SLC4A7: variants seen among roughly 807,000 people sequenced by gnomAD.
The protein encoded by SLC4A7 is solute carrier family 4 member 7, also known as sodium bicarbonate cotransporter 3.
In SLC4A7, 51 loss-of-function variants were observed where a neutral mutation model predicts 137.6. The observed-to-expected ratio is 0.37, with a 90% CI of 0.30 to 0.47. The LOEUF (loss-of-function observed/expected upper bound fraction) is 0.47. SLC4A7 is among the 20% of genes least tolerant of loss of function. The probability of loss-of-function intolerance (pLI) is 1.00; values close to 1 mark genes in which losing one functional copy is unlikely to be tolerated. For missense variants in SLC4A7, 1,247 were observed against 1,525.4 expected, an observed-to-expected ratio of 0.82 and a Z score of 3.04; for synonymous variants, 542 against 518.6, an observed-to-expected ratio of 1.05 and a Z score of -0.61.
chr3:27,457,371 T>C (rs1196845057), intron 1 of SLC4A7, among the ~76,000 whole-genome samples: 1 of 152,172 alleles, frequency 6.6e-6, no homozygotes, highest in African/African-American at 2.4e-5. Context: ...TTCAATTATC[T>C]AACTTAATAG....
chr3:27,394,424 A>T, intron 20 of SLC4A7, 94 bp downstream of exon 20: 1 of 1,108,506 alleles, frequency 9.0e-7, no homozygotes, highest in Non-Finnish European at 1.3e-6. Context: ...ACCTAATTTT[A>T]GGTATTTTAA....
chr3:27,453,983 GCCATGTAGA>G (rs2058250617), intron 1 of SLC4A7, among the ~76,000 whole-genome samples: 1 of 152,230 alleles, frequency 6.6e-6, no homozygotes, highest in Middle Eastern at 3.4e-3. Context: ...GTGGGAGCAG[GCCATGTAGA>G]CCATGAGACA....
At chr3:27,431,240 C>G in intron 7 of SLC4A7, 58 bp downstream of exon 7, 1 of 1,507,192 alleles carries the variant, frequency 6.6e-7, no homozygotes, top group Non-Finnish European at 8.9e-7. Context: ...AAAGGCATTC[C>G]AAGTGCAAGT....
chr3:27,464,306 G>T (rs1320352054), intron 1 of SLC4A7, among the ~76,000 whole-genome samples: 1 of 152,222 alleles, frequency 6.6e-6, no homozygotes, highest in African/African-American at 2.4e-5. Flanking sequence ...CGAAGATCAT[G>T]TTTCTCTAGA....
chr3:27,389,112 C>A (rs2051272541), intron 22 of SLC4A7, among the ~76,000 whole-genome samples: 1 of 151,928 alleles, frequency 6.6e-6, no homozygotes, highest in African/African-American at 2.4e-5. Context: ...AAAAAAACAA[C>A]TTAGTTGCAT....
intron 21 of SLC4A7, among the ~76,000 whole-genome samples, chr3:27,391,520 A>G (rs2051554245): frequency 6.6e-6 from 1 of 152,220 alleles, no homozygotes; most frequent in Admixed American, 6.5e-5. Flanking sequence ...TCAATTAAAA[A>G]CAGGTAAGGA....
chr3:27,457,599 C>T (rs1339571814), intron 1 of SLC4A7, among the ~76,000 whole-genome samples: 1 of 152,094 alleles, frequency 6.6e-6, no homozygotes, highest in African/African-American at 2.4e-5. Flanking sequence ...AATCTGAAAC[C>T]ATTCCAAATG....
Position 27,403,226 on chromosome 3 carries a change from A to G in SLC4A7, c.2234T>C (p.Ile745Thr). Residue 745 changes from isoleucine to threonine, a missense_variant, in exon 15 of 26, where the codon ATC becomes ACC. Physicochemically the swap from Ile to Thr is moderately conservative, Grantham distance 89 (BLOSUM62 -1). Transcript: ENST00000454389. ...AFAALICIIF[I>T]YEALEKLFDL... The stretch of plus-strand genomic sequence containing the variant: ...AAAGAGCTTCTCCAAAGCCTCGTAG[A>G]TGAATATGATGCAAATAAGGGCTGC... 1 of 1,614,008 alleles carries G rather than the reference A, an allele frequency of 6.2e-7. No homozygotes were observed. The highest frequency in any genetic ancestry group is 8.5e-7 in the Non-Finnish European group (1 of 1,179,944).
At chr3:27,380,316 A>T (rs80210309) in intron 24 of SLC4A7, among the ~76,000 whole-genome samples, 2 of 1,130 alleles carry the variant, frequency 1.8e-3, no homozygotes, top group South Asian at 0.042. Flanking sequence ...CCAGAATTTA[A>T]AAAAAAAAAA....
At chr3:27,405,078 A>G in intron 13 of SLC4A7, 115 bp from the exon 14 acceptor site, 1 of 528,688 alleles carries the variant, frequency 1.9e-6, no homozygotes, top group Non-Finnish European at 3.1e-6. Context: ...CAGTTATAAA[A>G]CCAACACCAC....
At chr3:27,455,863 A>G (rs973107864) in intron 1 of SLC4A7, among the ~76,000 whole-genome samples, 14 of 152,176 alleles carry the variant, frequency 9.2e-5, no homozygotes, top group African/African-American at 2.7e-4. Flanking sequence ...TCTCAAAAAA[A>G]AACACAAAAA....
chr3:27,446,806 C>A (rs564975834), intron 3 of SLC4A7, among the ~76,000 whole-genome samples: 66 of 151,270 alleles, frequency 4.4e-4, no homozygotes, highest in African/African-American at 9.4e-4. Context: ...TTGCTAGCTA[C>A]ATGACCACTT....
chr3:27,440,790 T>A (rs1269372316), intron 3 of SLC4A7, among the ~76,000 whole-genome samples: 1 of 149,014 alleles, frequency 6.7e-6, no homozygotes, highest in Non-Finnish European at 1.5e-5. Context: ...ACACCTGTAA[T>A]CCCAGCCACT....
chr3:27,390,193 G>T, intron 21 of SLC4A7, 89 bp from the exon 22 acceptor site: 3 of 485,022 alleles, frequency 6.2e-6, no homozygotes, highest in Middle Eastern at 3.6e-4. Context: ...AGGATTTTGT[G>T]TATTAAATTG....
chr3:27,484,042 AG>A, intron 1 of SLC4A7, 24 bp downstream of exon 1: 1 of 1,384,902 alleles, frequency 7.2e-7, no homozygotes, highest in Non-Finnish European at 9.4e-7. Context: ...CCTGCGGAGG[AG>A]CCCCACCGCC....
intron 18 of SLC4A7, among the ~76,000 whole-genome samples, chr3:27,397,034 CTT>C (rs71624668): frequency 6.7e-6 from 1 of 148,496 alleles, no homozygotes; most frequent in African/African-American, 2.5e-5. Flanking sequence ...TTTTAGGTTA[CTT>C]TTTTTTTTTG....
intron 17 of SLC4A7, 155 bp downstream of exon 17, chr3:27,398,037 C>T (rs531263781): frequency 3.0e-5 from 19 of 643,230 alleles, no homozygotes; most frequent in South Asian, 6.6e-5. Context: ...AGCTCAGGCA[C>T]GTAATATACA....
chr3:27,396,305 C>T (rs1042008387), intron 18 of SLC4A7, among the ~76,000 whole-genome samples: 3 of 152,034 alleles, frequency 2.0e-5, no homozygotes, highest in Non-Finnish European at 2.9e-5. Flanking sequence ...CCTTGATTTG[C>T]TTCCTCAAGT....
chr3:27,383,147 T>C lies in SLC4A7; in HGVS notation c.3590+6A>G, dbSNP rs749226337. On this transcript the variant is annotated splice_donor_region_variant and intron_variant, in intron 24 of 25. Coordinates refer to ENST00000454389, the MANE Select transcript of SLC4A7 (RefSeq NM_001321103.2). Reference sequence around the variant, plus strand: ...AAAAGTTTTAGAGCATAAAGTCATATCTCACCTATATTTTAGGGCCTTGAC... The same window carrying C: ...AAAAGTTTTAGAGCATAAAGTCATACCTCACCTATATTTTAGGGCCTTGAC... The C allele has an allele frequency of 7.7e-6, 12 of 1,567,128 alleles. No homozygotes were observed. The East Asian group carries it at 2.0e-4, about 26-fold the overall frequency.
Sources: allele counts gnomAD v4.1 joint callset (sites outside exome capture counted in the v4.1 genomes callset), GRCh38; gene constraint gnomAD v4.1.1; transcripts MANE v1.5; gene names NCBI Gene and HGNC (gene_info 2026-07-23, HGNC 2026-07-21).